Variants in DGKB observed in about 807,000 individuals in gnomAD.
The protein encoded by DGKB is diacylglycerol kinase beta.
In DGKB, 67 loss-of-function variants were observed where a neutral mutation model predicts 114.3. The ratio of observed to expected loss-of-function variants is 0.59; its 90% CI spans 0.48 to 0.72. The LOEUF (loss-of-function observed/expected upper bound fraction) is 0.72, where lower values mean the gene tolerates loss of function less well. DGKB is among the 30% of genes least tolerant of loss of function. The probability of loss-of-function intolerance (pLI) is 0.00; values close to 1 mark genes in which losing one functional copy is unlikely to be tolerated. For synonymous variants in DGKB, 398 were observed against 323.1 expected, an observed-to-expected ratio of 1.23 and a Z score of -2.49; for missense variants, 907 against 975.2, an observed-to-expected ratio of 0.93 and a Z score of 0.93.
chr7:14,856,622 A>G (rs981572439), intron 1 of DGKB, among the ~76,000 whole-genome samples: 2 of 151,928 alleles, frequency 1.3e-5, no homozygotes, highest in African/African-American at 4.8e-5. Context: ...GCTCTGTCTC[A>G]TTGATGTCAC....
chr7:14,673,830 C>G (rs1194910341), intron 12 of DGKB, among the ~76,000 whole-genome samples: 2 of 152,080 alleles, frequency 1.3e-5, no homozygotes, highest in South Asian at 2.1e-4. Flanking sequence ...AGATTTCTCC[C>G]TCCTGCACTA....
intron 22 of DGKB, among the ~76,000 whole-genome samples, chr7:14,342,917 T>C (rs187485083): frequency 6.6e-6 from 1 of 151,868 alleles, no homozygotes; most frequent in African/African-American, 2.4e-5. Flanking sequence ...AAAACATGTA[T>C]CTATTGCTGG....
chr7:14,956,894 A>C (rs1786538995), intron 1 of DGKB, among the ~76,000 whole-genome samples: 1 of 151,866 alleles, frequency 6.6e-6, no homozygotes, highest in African/African-American at 2.4e-5. Context: ...ACATGAAGTT[A>C]AACATTCTTG....
At chr7:14,245,417 A>G (rs961018003) in intron 23 of DGKB, among the ~76,000 whole-genome samples, 1 of 152,140 alleles carries the variant, frequency 6.6e-6, no homozygotes, top group Non-Finnish European at 1.5e-5. Context: ...AACTAAAAGA[A>G]TGGAGCTGAA....
chr7:14,925,846 G>A (rs576994063), intron 1 of DGKB, among the ~76,000 whole-genome samples: 4 of 148,072 alleles, frequency 2.7e-5, no homozygotes, highest in African/African-American at 7.5e-5. Flanking sequence ...CATGTCATTT[G>A]CAAATAGGAA....
At chr7:14,737,529 A>G (rs919882910) in intron 4 of DGKB, among the ~76,000 whole-genome samples, 1 of 152,100 alleles carries the variant, frequency 6.6e-6, no homozygotes, top group African/African-American at 2.4e-5. Flanking sequence ...CAGGAATATC[A>G]TTAGACATAG....
chr7:14,941,573 T>C (rs554417938), intron 1 of DGKB, among the ~76,000 whole-genome samples: 3 of 152,206 alleles, frequency 2.0e-5, no homozygotes, highest in East Asian at 3.9e-4. Flanking sequence ...GTGAAGATGG[T>C]TTACAGTTTA....
At chr7:14,351,812 T>A (rs1813491929) in intron 21 of DGKB, among the ~76,000 whole-genome samples, 1 of 152,122 alleles carries the variant, frequency 6.6e-6, no homozygotes, top group Non-Finnish European at 1.5e-5. Flanking sequence ...GTGGTGGAAG[T>A]GACCCGAAAT....
intron 21 of DGKB, among the ~76,000 whole-genome samples, chr7:14,460,024 A>G (rs918630380): frequency 6.6e-6 from 1 of 152,184 alleles, no homozygotes; most frequent in Non-Finnish European, 1.5e-5. Context: ...GGAGAAATAA[A>G]ATACTTTACA....
At chr7:14,283,899 AC>A (rs1800382012) in intron 23 of DGKB, among the ~76,000 whole-genome samples, 1 of 152,062 alleles carries the variant, frequency 6.6e-6, no homozygotes, top group Non-Finnish European at 1.5e-5. Context: ...TAGACCTAAA[AC>A]CATAAAAACC....
chr7:14,470,066 G>A (rs1296982848), intron 21 of DGKB, among the ~76,000 whole-genome samples: 1 of 151,732 alleles, frequency 6.6e-6, no homozygotes, highest in Non-Finnish European at 1.5e-5. Flanking sequence ...AAATGATATA[G>A]CAAAGTATTC....
chr7:14,967,661 A>C (rs889391510), intron 1 of DGKB, among the ~76,000 whole-genome samples: 10 of 149,560 alleles, frequency 6.7e-5, no homozygotes, highest in Non-Finnish European at 8.8e-5. Flanking sequence ...TTAAAAAAAA[A>C]AAAAAAAAAA....
intron 25 of DGKB, among the ~76,000 whole-genome samples, chr7:14,166,711 A>G (rs1444802564): frequency 6.6e-6 from 1 of 151,874 alleles, no homozygotes; most frequent in African/African-American, 2.4e-5. Flanking sequence ...AGACCAGAAC[A>G]TGAAGTGCCA....
intron 23 of DGKB, among the ~76,000 whole-genome samples, chr7:14,197,124 C>T (rs749346374): frequency 2.0e-5 from 3 of 152,048 alleles, no homozygotes; most frequent in African/African-American, 2.4e-5. Flanking sequence ...CTTTGTGGGG[C>T]GGGGGAAACC....
chr7:14,609,521 G>T (rs762528260), intron 16 of DGKB, among the ~76,000 whole-genome samples: 9 of 151,616 alleles, frequency 5.9e-5, no homozygotes, highest in Admixed American at 2.0e-4. Context: ...AACAAAAACA[G>T]AAATTGACAA....
intron 23 of DGKB, among the ~76,000 whole-genome samples, chr7:14,327,238 T>A (rs1808903532): frequency 6.6e-6 from 1 of 152,052 alleles, no homozygotes; most frequent in Admixed American, 6.6e-5. Flanking sequence ...AATGAACATT[T>A]GGATGAAAAG....
chr7:14,676,069 A>G lies in DGKB; in HGVS notation c.1036-3042T>C, dbSNP rs138719278. Among the ~76,000 whole-genome samples the G allele has an allele frequency of 2.0e-3, 310 of 152,268 alleles. 2 individuals are homozygous for G. The Middle Eastern group carries it at 0.02, about 10-fold the overall frequency. ...ATTTTCAGGACCACCTATAAAGTGT[A>G]AAAGTGAATATCATCTTTGCTGTGA... On this transcript the variant is annotated intron_variant, in intron 12 of 25. Coordinates refer to ENST00000402815, the MANE Select transcript of DGKB (RefSeq NM_001350709.2).
In DGKB at chr7:14,841,317, G is replaced by C; in HGVS notation, c.-54C>G. ...CAGGTAAAAGATTCTTTATTCAGGT[G>C]TTGCGCAGAGGTCTATGCTTCAAAG... On this transcript the variant is annotated 5_prime_UTR_variant, in exon 2 of 26. Coordinates refer to ENST00000402815, the MANE Select transcript of DGKB (RefSeq NM_001350709.2). 3 of 1,501,654 alleles carry C rather than the reference G, an allele frequency of 2.0e-6. No individual in the cohort carries two copies. The highest frequency in any genetic ancestry group is 2.8e-6 in the Non-Finnish European group (3 of 1,085,054). The allele number at this position is 1,501,654 out of a possible 1,614,324, so 93.0% of individuals were successfully genotyped here.
At chr7:14,539,738 C>A (rs957886856) in intron 20 of DGKB, among the ~76,000 whole-genome samples, 2 of 152,026 alleles carry the variant, frequency 1.3e-5, no homozygotes, top group African/African-American at 2.4e-5. Context: ...AGTATATGAC[C>A]TTTGCTCACC....
Sources: gnomAD v4.1 joint callset for allele counts (sites outside exome capture counted in the v4.1 genomes callset) on GRCh38, gnomAD v4.1.1 for gene constraint, MANE v1.5 for transcripts, NCBI Gene and HGNC (gene_info 2026-07-23, HGNC 2026-07-21) for gene names.